The following METTL22 variants were observed in gnomAD, a reference collection of about 807,000 sequenced individuals.
METTL22 encodes the protein methyltransferase 22, Kin17 lysine.
In METTL22, 51 loss-of-function variants were observed where a neutral mutation model predicts 48.4. The ratio of observed to expected loss-of-function variants is 1.05; its 90% CI spans 0.84 to 1.33. The LOEUF (loss-of-function observed/expected upper bound fraction) is 1.33. Among genes scored for constraint, METTL22 ranks in the 40% most tolerant of loss-of-function variants. METTL22 has a pLI of 0.00. For synonymous variants in METTL22, 255 were observed against 214.1 expected (o/e 1.19, Z -1.67); for missense variants, 678 against 526.9 (o/e 1.29, Z -2.81).
intron 1 of METTL22, among the ~76,000 whole-genome samples, chr16:8,622,026 A>G (rs1166631391): frequency 6.6e-6 from 1 of 152,146 alleles, no homozygotes; most frequent in African/African-American, 2.4e-5. Context: ...GCAGTGCCCG[A>G]CCTGTGACTG....
intron 3 of METTL22, among the ~76,000 whole-genome samples, chr16:8,629,704 G>T (rs1394356478): frequency 7.2e-5 from 11 of 152,146 alleles, no homozygotes; most frequent in Non-Finnish European, 1.3e-4. Flanking sequence ...TCAGAGGTGG[G>T]ATCAAAGAGG....
chr16:8,626,701 G>A lies in METTL22; in HGVS notation c.133+903G>A, dbSNP rs373679114. Among the ~76,000 whole-genome samples the A allele has an allele frequency of 8.4e-4, 126 of 149,676 alleles. 1 individual carries two copies. The highest frequency in any genetic ancestry group is 6.1e-3 in the East Asian group (31 of 5,110). On this transcript the variant is annotated intron_variant, in intron 2 of 10. Coordinates refer to ENST00000381920, the MANE Select transcript of METTL22 (RefSeq NM_024109.4). ...TGACCTCAGGTGATCCTCCCACCCC[G>A]GCCTCCCAAAGTGCTGGGATTACGG... is the stretch of plus-strand genomic sequence containing the variant.
At chr16:8,637,691 C>G (rs1255662332) in intron 5 of METTL22, among the ~76,000 whole-genome samples, 2 of 152,222 alleles carry the variant, frequency 1.3e-5, no homozygotes, top group African/African-American at 4.8e-5. Flanking sequence ...GATTGTGTTG[C>G]ATGGAACAGA....
chr16:8,632,807 GT>G (rs1344529146), intron 3 of METTL22, among the ~76,000 whole-genome samples: 1 of 152,198 alleles, frequency 6.6e-6, no homozygotes, highest in Non-Finnish European at 1.5e-5. Context: ...ACAAAACTGG[GT>G]TGTCATACAG....
intron 6 of METTL22, chr16:8,639,758 T>C (rs2056537779): frequency 6.4e-6 from 1 of 155,538 alleles, no homozygotes; most frequent in East Asian, 1.9e-4. Flanking sequence ...GATGAGTGTA[T>C]GTGATGGGTG....
intron 6 of METTL22, chr16:8,639,701 C>A (rs780632736): frequency 2.2e-4 from 37 of 165,082 alleles, no homozygotes; most frequent in Admixed American, 5.2e-4. Flanking sequence ...GCAGATGGGC[C>A]TCCGCCTCCA....
chr16:8,629,869 T>C (rs569536187), intron 3 of METTL22, among the ~76,000 whole-genome samples: 1 of 152,272 alleles, frequency 6.6e-6, no homozygotes, highest in Admixed American at 6.5e-5. Flanking sequence ...TTTGGATATC[T>C]TCACTAGTAT....
chr16:8,644,410 C>T, intron 9 of METTL22, 147 bp from the exon 10 acceptor site: 2 of 740,388 alleles, frequency 2.7e-6, no homozygotes, highest in Non-Finnish European at 4.4e-6. Context: ...GAATTGCACT[C>T]ACACACTCAG....
At chr16:8,658,563 A>G in the METTL22 span, among the ~76,000 whole-genome samples, 1 of 152,332 alleles carries the variant, frequency 6.6e-6, no homozygotes, top group East Asian at 1.9e-4. Flanking sequence ...CTAGGTGGAC[A>G]TGGTATGCCT....
the METTL22 span, among the ~76,000 whole-genome samples, chr16:8,658,589 A>G: frequency 6.6e-6 from 1 of 152,322 alleles, no homozygotes; most frequent in South Asian, 2.1e-4. Context: ...CCTCAGGTGA[A>G]TACTTGGCAT....
At chr16:8,626,354 G>C (rs1407192016) in intron 2 of METTL22, among the ~76,000 whole-genome samples, 2 of 152,110 alleles carry the variant, frequency 1.3e-5, no homozygotes, top group African/African-American at 4.8e-5. Flanking sequence ...CTTGATGCTG[G>C]GAATGCAGAT....
At chr16:8,660,531 T>G in the METTL22 span, among the ~76,000 whole-genome samples, 1 of 152,078 alleles carries the variant, frequency 6.6e-6, no homozygotes, top group South Asian at 2.1e-4. Flanking sequence ...AGAATCCCTG[T>G]TTTTCGAATT....
At chr16:8,631,016 G>A (rs908856502) in intron 3 of METTL22, among the ~76,000 whole-genome samples, 8 of 152,218 alleles carry the variant, frequency 5.3e-5, no homozygotes, top group South Asian at 2.1e-4. Flanking sequence ...TCAGAACCAC[G>A]TGATCAGGGG....
intron 3 of METTL22, chr16:8,631,499 A>G (rs1348626672): frequency 6.6e-6 from 1 of 152,188 alleles, no homozygotes; most frequent in African/African-American, 2.4e-5. Context: ...AACCTCCTCC[A>G]GTTGTAAGGA....
the METTL22 span, among the ~76,000 whole-genome samples, chr16:8,658,194 G>C: frequency 5.9e-5 from 9 of 152,342 alleles, no homozygotes; most frequent in East Asian, 1.5e-3. Context: ...AGAGATCAGA[G>C]TGATGCTGCC....
intron 6 of METTL22, among the ~76,000 whole-genome samples, 177 bp from the exon 7 acceptor site, chr16:8,640,954 A>ATGGC (rs1317644436): frequency 9.1e-5 from 3 of 32,942 alleles, no homozygotes; most frequent in Non-Finnish European, 1.2e-4. Flanking sequence ...GGGTGGGTGG[A>ATGGC]TGGCTGGCTG....
At chr16:8,637,457 A>T (rs570628346) in intron 5 of METTL22, among the ~76,000 whole-genome samples, 1 of 152,246 alleles carries the variant, frequency 6.6e-6, no homozygotes, top group Non-Finnish European at 1.5e-5. Flanking sequence ...GAAAGCTTGC[A>T]TTTAGATGCC....
chr16:8,658,053 G>T, the METTL22 span, among the ~76,000 whole-genome samples: 1 of 152,186 alleles, frequency 6.6e-6, no homozygotes, highest in Non-Finnish European at 1.5e-5. Context: ...CCGAGTTCAA[G>T]CAATCCTCCC....
At chr16:8,628,287 A>T (rs1329719116) in intron 2 of METTL22, among the ~76,000 whole-genome samples, 1 of 152,230 alleles carries the variant, frequency 6.6e-6, no homozygotes, top group Non-Finnish European at 1.5e-5. Flanking sequence ...GTGTTCGGTG[A>T]TGAATGAATG....
Sources: allele counts gnomAD v4.1 joint callset (sites outside exome capture counted in the v4.1 genomes callset), GRCh38; gene constraint gnomAD v4.1.1; transcripts MANE v1.5; gene names NCBI Gene and HGNC (gene_info 2026-07-23, HGNC 2026-07-21).